DYNC1I1: variants seen among roughly 807,000 people sequenced by gnomAD.
DYNC1I1 encodes the protein cytoplasmic dynein 1 intermediate chain 1.
Under a neutral mutation model 86.6 loss-of-function variants are expected in DYNC1I1, and 43 were observed. That is an observed-to-expected ratio of 0.50 (90% CI 0.39 to 0.64). DYNC1I1 has a LOEUF of 0.64. DYNC1I1 is among the 30% of genes least tolerant of loss of function. The probability of loss-of-function intolerance (pLI) is 0.00; values close to 1 mark genes in which losing one functional copy is unlikely to be tolerated. For missense variants in DYNC1I1, 604 were observed against 788.8 expected (o/e 0.77, Z 2.81); for synonymous variants, 262 against 283.7 (o/e 0.92, Z 0.77).
chr7:96,041,985 T>G (rs1225010976), intron 14 of DYNC1I1, among the ~76,000 whole-genome samples: 3 of 152,186 alleles, frequency 2.0e-5, no homozygotes, highest in African/African-American at 7.2e-5. Context: ...TGGTTCAAAT[T>G]GGTAGCAAAA....
At chr7:96,062,716 CT>C (rs1353758289) in intron 14 of DYNC1I1, among the ~76,000 whole-genome samples, 1 of 152,134 alleles carries the variant, frequency 6.6e-6, no homozygotes, top group Non-Finnish European at 1.5e-5. Flanking sequence ...TTGAAGGCAG[CT>C]GATTAAGGAC....
intron 14 of DYNC1I1, among the ~76,000 whole-genome samples, chr7:96,073,144 G>A (rs1790217914): frequency 6.6e-6 from 1 of 152,162 alleles, no homozygotes; most frequent in African/African-American, 2.4e-5. Context: ...GTTAAACAGA[G>A]CCTTTGAAAA....
chr7:96,030,998 A>G (rs953287147), intron 11 of DYNC1I1, among the ~76,000 whole-genome samples: 2 of 152,184 alleles, frequency 1.3e-5, no homozygotes, highest in African/African-American at 4.8e-5. Flanking sequence ...TTCAGTAGGG[A>G]CATGGTGTGA....
At chr7:95,799,758 T>C (rs1286797136) in intron 1 of DYNC1I1, among the ~76,000 whole-genome samples, 1 of 151,972 alleles carries the variant, frequency 6.6e-6, no homozygotes, top group Non-Finnish European at 1.5e-5. Flanking sequence ...GGAACACAGA[T>C]TGGATTTCCT....
intron 6 of DYNC1I1, among the ~76,000 whole-genome samples, chr7:95,918,572 C>G (rs895307597): frequency 5.3e-5 from 8 of 152,122 alleles, no homozygotes; most frequent in African/African-American, 4.8e-5. Flanking sequence ...TGTGGGTGTG[C>G]ATGTGTGTGC....
Position 95,990,367 on chromosome 7 carries a change from C to T in DYNC1I1, c.843+3212C>T, listed in dbSNP as rs148212502. ...CTCCTGCAGTCATCCAGGATGCAAA[C>T]CTGAGTAATCTTTGGCAACTCAGTT... is the stretch of plus-strand genomic sequence containing the variant. On this transcript the variant is annotated intron_variant, in intron 9 of 16. Transcript: ENST00000447467. Among the ~76,000 whole-genome samples the T allele has an allele frequency of 1.3e-3, 199 of 152,246 alleles. 1 individual carries two copies. The highest frequency in any genetic ancestry group is 4.3e-3 in the African/African-American group (178 of 41,548).
chr7:96,029,559 T>G (rs1794759234), intron 11 of DYNC1I1, among the ~76,000 whole-genome samples: 2 of 152,182 alleles, frequency 1.3e-5, no homozygotes, highest in African/African-American at 4.8e-5. Flanking sequence ...GTGAGTAACT[T>G]AGAGTGTGAT....
chr7:95,922,632 T>C (rs867543649), intron 6 of DYNC1I1, among the ~76,000 whole-genome samples: 3 of 152,084 alleles, frequency 2.0e-5, no homozygotes, highest in Non-Finnish European at 4.4e-5. Context: ...GTAGCTGATA[T>C]ATAATTAGCC....
At chr7:96,084,109 C>A (rs1159568508) in intron 16 of DYNC1I1, among the ~76,000 whole-genome samples, 1 of 151,860 alleles carries the variant, frequency 6.6e-6, no homozygotes, top group African/African-American at 2.4e-5. Flanking sequence ...AGACCTTGTT[C>A]CACAAGTGAG....
chr7:95,838,805 C>T (rs1333163219), intron 5 of DYNC1I1, among the ~76,000 whole-genome samples: 1 of 151,800 alleles, frequency 6.6e-6, no homozygotes, highest in African/African-American at 2.4e-5. Flanking sequence ...GAAATGCTTT[C>T]TTGATTTCTT....
At chr7:95,838,015 G>C in intron 5 of DYNC1I1, among the ~76,000 whole-genome samples, 1 of 152,134 alleles carries the variant, frequency 6.6e-6, no homozygotes, top group Non-Finnish European at 1.5e-5. Flanking sequence ...TTTTCTTATT[G>C]TGCAGAAGCT....
intron 6 of DYNC1I1, among the ~76,000 whole-genome samples, chr7:95,915,260 A>T (rs895467176): frequency 6.6e-6 from 1 of 152,218 alleles, no homozygotes; most frequent in African/African-American, 2.4e-5. Context: ...TTTGTGCATT[A>T]TTATCTCCAG....
chr7:96,044,220 T>G (rs987963018), intron 14 of DYNC1I1, among the ~76,000 whole-genome samples: 2 of 152,186 alleles, frequency 1.3e-5, no homozygotes, highest in African/African-American at 4.8e-5. Context: ...TGTTTAAAAT[T>G]TTCTATAATA....
At chr7:95,955,328 A>T (rs187329421) in intron 6 of DYNC1I1, among the ~76,000 whole-genome samples, 2,786 of 148,790 alleles carry the variant, frequency 0.019, 40 homozygotes, top group Non-Finnish European at 0.026. Flanking sequence ...TATTTTATGA[A>T]TTTTTTTTTT....
chr7:95,896,560 A>G (rs2116290944), intron 6 of DYNC1I1, among the ~76,000 whole-genome samples: 1 of 152,338 alleles, frequency 6.6e-6, no homozygotes, highest in South Asian at 2.1e-4. Context: ...AAGTTTGCCT[A>G]AAGTTACAGT....
intron 2 of DYNC1I1, among the ~76,000 whole-genome samples, chr7:95,807,181 T>C (rs986355952): frequency 6.6e-6 from 1 of 152,144 alleles, no homozygotes; most frequent in Non-Finnish European, 1.5e-5. Flanking sequence ...GGCCATTTTA[T>C]AAAAATGCCC....
At chr7:95,884,589 A>G (rs115477666) in intron 6 of DYNC1I1, among the ~76,000 whole-genome samples, 296 of 152,206 alleles carry the variant, frequency 1.9e-3, no homozygotes, top group African/African-American at 6.6e-3. Flanking sequence ...GAGGAAGTCA[A>G]TGAAATGAAC....
chr7:95,905,385 A>G (rs1257616447), intron 6 of DYNC1I1, among the ~76,000 whole-genome samples: 2 of 152,194 alleles, frequency 1.3e-5, no homozygotes, highest in African/African-American at 4.8e-5. Context: ...TCCCAGGAAT[A>G]CAAAACTCGA....
chr7:95,786,465 A>G (rs1389978613), intron 1 of DYNC1I1, among the ~76,000 whole-genome samples: 4 of 151,824 alleles, frequency 2.6e-5, no homozygotes, highest in Non-Finnish European at 5.9e-5. Flanking sequence ...GTGTTTTCAG[A>G]CCCTCCCATA....
Sources: gnomAD v4.1 joint callset for allele counts (sites outside exome capture counted in the v4.1 genomes callset) on GRCh38, gnomAD v4.1.1 for gene constraint, MANE v1.5 for transcripts, NCBI Gene and HGNC (gene_info 2026-07-23, HGNC 2026-07-21) for gene names.